SDK1: variants seen among roughly 807,000 people sequenced by gnomAD.
SDK1 encodes sidekick cell adhesion molecule 1.
A neutral mutation model predicts 245.5 loss-of-function variants in SDK1; 157 were observed. That is an observed-to-expected ratio of 0.64 (90% CI 0.56 to 0.73). The LOEUF is 0.73. Ranked by LOEUF, SDK1 falls within the 30% of genes least tolerant of loss-of-function variation. SDK1 has a pLI of 0.00. For synonymous variants in SDK1, 1,647 were observed against 1,278.5 expected (o/e 1.29, Z -6.15); for missense variants, 3,583 against 3,002.3 (o/e 1.19, Z -4.52).
intron 1 of SDK1, among the ~76,000 whole-genome samples, chr7:3,433,145 G>T (rs1779917168): frequency 6.6e-6 from 1 of 152,202 alleles, no homozygotes; most frequent in African/African-American, 2.4e-5. Flanking sequence ...AAGTGTGACA[G>T]TACGGTGTTT....
chr7:3,579,306 G>C (rs1481385746), intron 1 of SDK1, among the ~76,000 whole-genome samples: 4 of 149,680 alleles, frequency 2.7e-5, no homozygotes, highest in African/African-American at 7.3e-5. Context: ...ACCAAGTCCA[G>C]CAGCACAAAA....
At chr7:3,810,053 A>G (rs970506848) in intron 4 of SDK1, among the ~76,000 whole-genome samples, 2 of 151,970 alleles carry the variant, frequency 1.3e-5, no homozygotes, top group African/African-American at 4.8e-5. Flanking sequence ...TTAATTTTTG[A>G]TGGAATTATT....
At chr7:3,589,084 TCAG>T (rs1327627241) in intron 1 of SDK1, among the ~76,000 whole-genome samples, 2 of 152,248 alleles carry the variant, frequency 1.3e-5, no homozygotes, top group Non-Finnish European at 2.9e-5. Context: ...ATTCTGCAAC[TCAG>T]CAGGGAGAAA....
chr7:3,739,929 T>C (rs535817626), intron 4 of SDK1, among the ~76,000 whole-genome samples: 1 of 152,388 alleles, frequency 6.6e-6, no homozygotes, highest in African/African-American at 2.4e-5. Context: ...TTTATATTGC[T>C]TCTGTCTGTT....
chr7:4,253,190 C>T (rs1006641807), intron 44 of SDK1, among the ~76,000 whole-genome samples: 1 of 152,168 alleles, frequency 6.6e-6, no homozygotes, highest in African/African-American at 2.4e-5. Flanking sequence ...ATTTGCTCGT[C>T]TTCTTTCAAT....
At chr7:3,353,207 C>T (rs550872738) in intron 1 of SDK1, among the ~76,000 whole-genome samples, 1 of 152,178 alleles carries the variant, frequency 6.6e-6, no homozygotes, top group African/African-American at 2.4e-5. Context: ...GATCCAAGAA[C>T]CATTAAGTAG....
At chr7:3,582,851 C>T (rs1469540644) in intron 1 of SDK1, among the ~76,000 whole-genome samples, 1 of 152,128 alleles carries the variant, frequency 6.6e-6, no homozygotes, top group East Asian at 1.9e-4. Flanking sequence ...TGCTGTTTTC[C>T]AACTCAGAGC....
chr7:3,524,225 G>C (rs761867796), intron 1 of SDK1, among the ~76,000 whole-genome samples: 34 of 152,288 alleles, frequency 2.2e-4, no homozygotes, highest in Middle Eastern at 6.8e-3. Flanking sequence ...AGTTTGTATA[G>C]GGCTTTCTAA....
intron 1 of SDK1, among the ~76,000 whole-genome samples, chr7:3,567,864 T>C (rs1365197923): frequency 6.6e-6 from 1 of 152,252 alleles, no homozygotes; most frequent in African/African-American, 2.4e-5. Flanking sequence ...TAGGCTGCAG[T>C]GCAGTGGTGC....
intron 1 of SDK1, among the ~76,000 whole-genome samples, chr7:3,564,046 G>C (rs1779830590): frequency 6.6e-6 from 1 of 151,956 alleles, no homozygotes. Context: ...AGTTCAAGCA[G>C]TACTTAAAAG....
At chr7:3,394,401 T>A (rs1279514416) in intron 1 of SDK1, among the ~76,000 whole-genome samples, 1 of 152,154 alleles carries the variant, frequency 6.6e-6, no homozygotes, top group Non-Finnish European at 1.5e-5. Context: ...GATCAATGAT[T>A]TTTATTAGTA....
chr7:4,101,938 A>G (rs1210237610), intron 22 of SDK1, among the ~76,000 whole-genome samples: 2 of 152,044 alleles, frequency 1.3e-5, no homozygotes, highest in African/African-American at 2.4e-5. Context: ...GAACCCAAGC[A>G]TGGAGCTCAG....
At chr7:4,261,466 A>G (rs551321826) in intron 44 of SDK1, among the ~76,000 whole-genome samples, 3 of 151,902 alleles carry the variant, frequency 2.0e-5, no homozygotes, top group South Asian at 2.1e-4. Context: ...TTCCTTCTAG[A>G]GTGTTTACTT....
intron 4 of SDK1, among the ~76,000 whole-genome samples, chr7:3,727,368 A>C (rs887338638): frequency 3.3e-5 from 5 of 152,208 alleles, no homozygotes; most frequent in Non-Finnish European, 5.9e-5. Context: ...CTGGAGAGAA[A>C]GTCTGATGTT....
chr7:3,672,654 ATATT>A (rs958964470), intron 4 of SDK1, among the ~76,000 whole-genome samples: 7 of 140,432 alleles, frequency 5.0e-5, no homozygotes, highest in African/African-American at 1.8e-4. Context: ...TATTAAATAA[ATATT>A]AAATTTATAT....
intron 40 of SDK1, among the ~76,000 whole-genome samples, chr7:4,226,424 C>A (rs1172093113): frequency 6.6e-6 from 1 of 152,224 alleles, no homozygotes; most frequent in East Asian, 1.9e-4. Context: ...GCCTGGGCAG[C>A]CCGGGCAGAT....
chr7:3,886,493 G>A (rs1229404745), intron 5 of SDK1, among the ~76,000 whole-genome samples: 5 of 152,200 alleles, frequency 3.3e-5, no homozygotes, highest in African/African-American at 1.2e-4. Flanking sequence ...AGTCTTTTGT[G>A]TTCTTTACTC....
intron 4 of SDK1, among the ~76,000 whole-genome samples, chr7:3,650,430 C>A (rs1170130957): frequency 6.6e-6 from 1 of 152,160 alleles, no homozygotes; most frequent in Admixed American, 6.5e-5. Context: ...CTCTAATTAT[C>A]TTGTGTGAAT....
chr7:4,071,045 A>G (rs1360894000), intron 20 of SDK1, among the ~76,000 whole-genome samples: 1 of 151,424 alleles, frequency 6.6e-6, no homozygotes, highest in Non-Finnish European at 1.5e-5. Context: ...TTATTTTTTG[A>G]AATGGAGTGT....
Sources: gnomAD v4.1 joint callset for allele counts (sites outside exome capture counted in the v4.1 genomes callset) on GRCh38, gnomAD v4.1.1 for gene constraint, MANE v1.5 for transcripts, NCBI Gene and HGNC (gene_info 2026-07-23, HGNC 2026-07-21) for gene names.